The following CNTN5 variants were observed in gnomAD, a reference collection of about 807,000 sequenced individuals.
The protein encoded by CNTN5 is contactin 5.
CNTN5 carries 77 observed loss-of-function variants against 129.1 expected under a neutral mutation model. The observed-to-expected ratio is 0.60, with a 90% confidence interval of 0.50 to 0.72. The LOEUF is 0.72. Among genes scored for constraint, CNTN5 ranks in the 30% least tolerant of loss-of-function variants. CNTN5 has a pLI of 0.00. For synonymous variants in CNTN5, 509 were observed against 465.6 expected, an observed-to-expected ratio of 1.09 and a Z score of -1.20; for missense variants, 1,478 against 1,328.8, an observed-to-expected ratio of 1.11 and a Z score of -1.75.
chr11:99,052,054 T>G (rs1055452963), intron 1 of CNTN5, among the ~76,000 whole-genome samples: 4 of 151,886 alleles, frequency 2.6e-5, no homozygotes, highest in African/African-American at 9.7e-5. Flanking sequence ...GCAAGAGTAG[T>G]TATGCTAAGG....
At chr11:99,445,028 G>T (rs957678940) in intron 2 of CNTN5, among the ~76,000 whole-genome samples, 4 of 148,540 alleles carry the variant, frequency 2.7e-5, no homozygotes, top group Non-Finnish European at 5.9e-5. Context: ...ATTTATGTGT[G>T]TGTATTTATA....
chr11:100,074,311 T>TA lies in CNTN5; in HGVS notation c.1580+19dup, dbSNP rs780942212. On this transcript the variant is annotated intron_variant, in intron 13 of 24. Coordinates refer to ENST00000524871, the MANE Select transcript of CNTN5 (RefSeq NM_014361.4). ...AAACAAAAGGTTAGAATCTATTTTA[T>TA]AATTCAAGTTCAACATTAGACTTTT... 2.6e-6 allele frequency: 4 copies of TA among 1,562,840 alleles called. No homozygotes were observed. The South Asian group carries it at 3.5e-5, about 14-fold the overall frequency.
chr11:99,541,372 G>C (rs891208241), intron 2 of CNTN5, among the ~76,000 whole-genome samples: 1 of 152,128 alleles, frequency 6.6e-6, no homozygotes, highest in African/African-American at 2.4e-5. Flanking sequence ...AGCTAGTATG[G>C]TGGTTGGTAC....
intron 1 of CNTN5, among the ~76,000 whole-genome samples, chr11:99,062,377 C>A (rs779395960): frequency 6.6e-6 from 1 of 152,098 alleles, no homozygotes; most frequent in African/African-American, 2.4e-5. Flanking sequence ...GATTGGGAAG[C>A]ATTTCTATGT....
At chr11:99,466,843 G>C (rs1423926680) in intron 2 of CNTN5, among the ~76,000 whole-genome samples, 1 of 151,842 alleles carries the variant, frequency 6.6e-6, no homozygotes. Context: ...TTTTAAATAC[G>C]GATTTCATAT....
intron 2 of CNTN5, among the ~76,000 whole-genome samples, chr11:99,535,673 T>C (rs1947873862): frequency 6.6e-6 from 1 of 152,074 alleles, no homozygotes; most frequent in Admixed American, 6.6e-5. Flanking sequence ...AACTATGAGG[T>C]TTAAGAGAAA....
At chr11:100,055,494 A>G (rs911871361) in intron 9 of CNTN5, among the ~76,000 whole-genome samples, 3 of 151,550 alleles carry the variant, frequency 2.0e-5, no homozygotes, top group Non-Finnish European at 3.0e-5. Context: ...CTTGTTCAAT[A>G]TTTGTAGATT....
At chr11:99,727,073 G>T (rs906567466) in intron 3 of CNTN5, among the ~76,000 whole-genome samples, 24 of 151,154 alleles carry the variant, frequency 1.6e-4, no homozygotes, top group African/African-American at 5.8e-4. Context: ...TTGGGAGGCC[G>T]AGGCTGGTGG....
At chr11:99,294,083 A>G (rs1864284117) in intron 1 of CNTN5, among the ~76,000 whole-genome samples, 1 of 151,878 alleles carries the variant, frequency 6.6e-6, no homozygotes, top group Non-Finnish European at 1.5e-5. Context: ...CTTTTGTTGT[A>G]TCCCATAGAT....
intron 1 of CNTN5, among the ~76,000 whole-genome samples, chr11:99,277,469 C>T (rs1401128448): frequency 6.6e-6 from 1 of 151,682 alleles, no homozygotes; most frequent in Non-Finnish European, 1.5e-5. Flanking sequence ...GCCTTGCTCT[C>T]TTTGTCATTA....
At chr11:100,013,204 C>A (rs932015148) in intron 9 of CNTN5, among the ~76,000 whole-genome samples, 1 of 151,888 alleles carries the variant, frequency 6.6e-6, no homozygotes, top group Non-Finnish European at 1.5e-5. Flanking sequence ...GGGTGGGAAA[C>A]GGGTGACAGA....
chr11:99,619,731 C>G (rs1950871138), intron 3 of CNTN5, among the ~76,000 whole-genome samples: 1 of 151,940 alleles, frequency 6.6e-6, no homozygotes, highest in South Asian at 2.1e-4. Context: ...ATGTGAAATA[C>G]TAAGAAACAA....
intron 3 of CNTN5, among the ~76,000 whole-genome samples, chr11:99,677,888 C>A (rs1953362433): frequency 6.6e-6 from 1 of 152,090 alleles, no homozygotes; most frequent in Admixed American, 6.6e-5. Context: ...GTTTTCTAAA[C>A]ATACCAAACA....
chr11:99,245,249 A>T (rs1470106700), intron 1 of CNTN5, among the ~76,000 whole-genome samples: 1 of 152,286 alleles, frequency 6.6e-6, no homozygotes, highest in East Asian at 1.9e-4. Context: ...TGTAAACTGG[A>T]GATATAACTG....
At chr11:99,578,881 G>A (rs1446594030) in intron 3 of CNTN5, among the ~76,000 whole-genome samples, 1 of 152,074 alleles carries the variant, frequency 6.6e-6, no homozygotes, top group Non-Finnish European at 1.5e-5. Flanking sequence ...TGCTTTTGGT[G>A]TTTTAGACAT....
chr11:99,250,872 A>G (rs1302856404), intron 1 of CNTN5, among the ~76,000 whole-genome samples: 1 of 151,866 alleles, frequency 6.6e-6, no homozygotes, highest in Non-Finnish European at 1.5e-5. Flanking sequence ...TTAAATGTCT[A>G]ATTTTCTAAT....
chr11:99,988,978 G>A (rs1248931371), intron 8 of CNTN5, among the ~76,000 whole-genome samples: 2 of 151,910 alleles, frequency 1.3e-5, no homozygotes, highest in Non-Finnish European at 2.9e-5. Flanking sequence ...GTTTGTTTTT[G>A]CAGAAAGGAC....
At chr11:99,362,919 A>G (rs1939210197) in intron 2 of CNTN5, among the ~76,000 whole-genome samples, 1 of 152,072 alleles carries the variant, frequency 6.6e-6, no homozygotes, top group African/African-American at 2.4e-5. Context: ...TTATTACTGT[A>G]GCCGTGCACT....
intron 2 of CNTN5, among the ~76,000 whole-genome samples, chr11:99,435,933 A>C (rs1943581857): frequency 6.6e-6 from 1 of 152,220 alleles, no homozygotes; most frequent in South Asian, 2.1e-4. Context: ...TCAGAATTAC[A>C]GTGCAAGGTT....
Sources: gnomAD v4.1 joint callset for allele counts (sites outside exome capture counted in the v4.1 genomes callset) on GRCh38, gnomAD v4.1.1 for gene constraint, MANE v1.5 for transcripts, NCBI Gene and HGNC (gene_info 2026-07-23, HGNC 2026-07-21) for gene names.